Variants in CDAN1 observed in about 807,000 individuals in gnomAD.
CDAN1 encodes codanin-1.
Under a neutral mutation model 139.8 loss-of-function variants are expected in CDAN1, and 107 were observed. The observed-to-expected ratio is 0.77, with a 90% CI of 0.65 to 0.90. The LOEUF is 0.90. Among genes scored for constraint, CDAN1 ranks in the 40% least tolerant of loss-of-function variants. The pLI, the probability that CDAN1 is intolerant of heterozygous loss-of-function variation, is 0.00. For missense variants in CDAN1, 1,667 were observed against 1,575.7 expected (o/e 1.06, Z -0.98); for synonymous variants, 776 against 660.6 (o/e 1.17, Z -2.68).
intron 1 of CDAN1, 78 bp from the exon 2 acceptor site, chr15:42,736,858 CGCGCCTCGGGTGGGCGGCCCGGGCAGCG>C: frequency 6.9e-7 from 1 of 1,450,824 alleles, no homozygotes; most frequent in Non-Finnish European, 9.1e-7. Context: ...GGCCGTAGGG[CGCGCCTCGGGTGGGCGGCCCGGGCAGCG>C]GCGCCCAGTT....
rs746327928 is a variant in CDAN1 at position 42,729,923 on chromosome 15, C to T, written c.2263-38G>A. The T allele has an allele frequency of 5.3e-6, 8 of 1,519,202 alleles. No individual in the cohort carries two copies. In the Admixed American group the frequency reaches 1.2e-4, roughly 23 times the overall value. 94.1% of individuals were successfully genotyped at this position (1,519,202 alleles called of 1,614,324 possible). ...TCACAATTCAGGTCAACTTCAGAGA[C>T]CCCCACCCAACCCACCCCACCTCCT... On this transcript the variant is annotated intron_variant, in intron 15 of 27. Transcript: ENST00000356231.
rs775252923 is a variant in CDAN1, at chr15:42,735,181, A to G, written c.1058-3T>C. The G allele has an allele frequency of 1.9e-6, 3 of 1,612,662 alleles. No individual in the cohort carries two copies. Among genetic ancestry groups the G allele is most frequent in the Admixed American group, 3.3e-5 (2 of 60,008 alleles). On this transcript the variant is annotated splice_polypyrimidine_tract_variant and splice_region_variant and intron_variant, in intron 5 of 27. Coordinates refer to ENST00000356231, the MANE Select transcript of CDAN1 (RefSeq NM_138477.4). ...GAACAGTGGACTTTCCAGGGAATCTAGAAGGACAGTACCAAGCTGTCAGTT... is the reference window on the plus strand; with the variant it reads ...GAACAGTGGACTTTCCAGGGAATCTGGAAGGACAGTACCAAGCTGTCAGTT...
At chr15:42,729,922 A>G in intron 15 of CDAN1, 37 bp from the exon 16 acceptor site, 1 of 1,513,210 alleles carries the variant, frequency 6.6e-7, no homozygotes, top group East Asian at 2.3e-5. Context: ...AACTTCAGAG[A>G]CCCCCACCCA....
chr15:42,727,546 G>A lies in CDAN1; in HGVS notation c.3096+75C>T, dbSNP rs553867648. ...TCTACATAAAAATCCTGGAGCTGAT[G>A]TGAGAAAGGAAAAACCAGGAACAGA... On this transcript the variant is annotated intron_variant, in intron 23 of 27. Coordinates refer to ENST00000356231, the MANE Select transcript of CDAN1 (RefSeq NM_138477.4). 4.4e-6 allele frequency: 6 copies of A among 1,355,768 alleles called. No individual in the cohort carries two copies. The East Asian group carries it at 1.3e-4, about 29-fold the overall frequency. The allele number at this position is 1,355,768 out of a possible 1,614,324, so 84.0% of individuals were successfully genotyped here. A position where few individuals can be genotyped will look rare whatever the true frequency, so the allele number is the denominator to read the frequency against.
chr15:42,732,995 G>T, intron 9 of CDAN1, 102 bp downstream of exon 9: 1 of 896,672 alleles, frequency 1.1e-6, no homozygotes, highest in Non-Finnish European at 1.8e-6. Flanking sequence ...GCTAATGGCT[G>T]GTAGGAGCGG....
rs751454906 is a variant in CDAN1 at position 42,727,729 on chromosome 15, T to C, written c.2988A>G (p.Thr996=). 54 of 1,586,652 alleles carry C rather than the reference T, an allele frequency of 3.4e-5. No homozygotes were observed. Among genetic ancestry groups the C allele is most frequent in the Non-Finnish European group, 4.3e-5 (50 of 1,162,798 alleles). ...CAGGTTCAGGACCCTGGGCTCGAAG[T>C]GTGCGACTCACTGCTGCTTTCACCT... The part of the protein sequence containing the change: ...RREVKAAVSR[T]LRAQGPEPAA... The change falls in exon 23 of 28, where the codon ACA becomes ACG. Residue 996 remains threonine (T), a synonymous_variant. Coordinates refer to ENST00000356231, the MANE Select transcript of CDAN1 (RefSeq NM_138477.4).
intron 2 of CDAN1, 105 bp downstream of exon 2, chr15:42,736,197 A>G: frequency 6.3e-7 from 1 of 1,580,426 alleles, no homozygotes; most frequent in Non-Finnish European, 8.6e-7. Context: ...CATCACCCCC[A>G]GCCTTCTACC....
At chr15:42,724,927 C>T in intron 27 of CDAN1, 1 of 636,052 alleles carries the variant, frequency 1.6e-6, no homozygotes, top group Non-Finnish European at 2.8e-6. Context: ...ATATAATGGG[C>T]TGTGCTGCTT....
rs1202223873 is a variant in CDAN1 at position 42,736,605 on chromosome 15, G to T, written c.266C>A (p.Pro89Gln). The T allele has an allele frequency of 2.0e-6, 3 of 1,503,576 alleles. No homozygotes were observed. The highest frequency in any genetic ancestry group is 8.9e-7 in the Non-Finnish European group (1 of 1,127,998). The allele number at this position is 1,503,576 out of a possible 1,614,324, so 93.1% of individuals were successfully genotyped here. ...GCGCGCCCCGCGGCTACCCCGCGGC[G>T]GGCCTCCCGGCCTCCCTGGCAAGGC... ...SAALPGRPGG[P>Q]PRGSRGARSQ... The change falls in exon 2 of 28, where the codon CCG (proline) becomes CAG (glutamine). Residue 89 changes from proline (P) to glutamine (Q), a missense_variant. Coordinates refer to ENST00000356231, the MANE Select transcript of CDAN1 (RefSeq NM_138477.4).
chr15:42,735,154 T>A lies in CDAN1; in HGVS notation c.1082A>T (p.Gln361Leu). Residue 361 changes from glutamine to leucine, a missense_variant, in exon 6 of 28, where the codon CAA (glutamine) becomes CTA (leucine). Around this residue, in one of 3 missense-constraint regions of CDAN1, gnomAD observed 244 missense variants for 309.4 expected, o/e 0.79. Transcript: ENST00000356231. Reference sequence around the variant, plus strand: ...AAAGAAGACACAATCGTGGATGCTTTGGAACAGTGGACTTTCCAGGGAATC... The same window carrying A: ...AAAGAAGACACAATCGTGGATGCTTAGGAACAGTGGACTTTCCAGGGAATC... ...VLDSLESPLF[Q>L]SIHDCVFFAV... 2 of 1,613,978 alleles carry A rather than the reference T, an allele frequency of 1.2e-6. No homozygotes were observed. The highest frequency in any genetic ancestry group is 1.3e-5 in the African/African-American group (1 of 75,040).
chr15:42,728,163 A>G (rs931460177), intron 21 of CDAN1, 41 bp downstream of exon 21: 2 of 1,609,922 alleles, frequency 1.2e-6, no homozygotes, highest in Non-Finnish European at 1.7e-6. Context: ...ACCTCCCCAC[A>G]ACTGCCTGGC....
At chr15:42,724,820 C>T in intron 27 of CDAN1, 1 of 657,348 alleles carries the variant, frequency 1.5e-6, no homozygotes, top group South Asian at 1.8e-5. Flanking sequence ...GATGGAGGCA[C>T]AGGCTTGACC....
chr15:42,725,689 C>T lies in CDAN1; in HGVS notation c.3269-19G>A. 6.2e-7 allele frequency: 1 copy of T among 1,613,612 alleles called. No individual in the cohort carries two copies. Among genetic ancestry groups the T allele is most frequent in the Non-Finnish European group, 8.5e-7 (1 of 1,179,772 alleles). ...TCTGCAACTGTGGAAAGAGGAAAGC[C>T]AAGCTTTAAAAGATGGGGGCAGGCC... On this transcript the variant is annotated intron_variant, in intron 25 of 27. Coordinates refer to ENST00000356231, the MANE Select transcript of CDAN1 (RefSeq NM_138477.4).
intron 2 of CDAN1, 44 bp downstream of exon 2, chr15:42,736,258 G>T: frequency 3.1e-6 from 5 of 1,611,106 alleles, no homozygotes; most frequent in Non-Finnish European, 4.2e-6. Flanking sequence ...TGACTCCCCA[G>T]AGCCTTCGTG....
At position 42,735,143 on chromosome 15, in the gene CDAN1, C is replaced by T. The variant is rs755941315; in HGVS notation, c.1093G>A (p.Asp365Asn). The T allele has an allele frequency of 4.3e-6, 7 of 1,613,898 alleles. No individual in the cohort carries two copies. The highest frequency in any genetic ancestry group is 5.9e-6 in the Non-Finnish European group (7 of 1,179,926). ...LESPLFQSIH[D>N]CVFFAVQVLE... ...ACCTGCACTGCAAAGAAGACACAAT[C>T]GTGGATGCTTTGGAACAGTGGACTT... The change falls in exon 6 of 28, where the codon GAT (aspartate) becomes AAT (asparagine). Residue 365 changes from aspartate to asparagine, a missense_variant. Physicochemically the swap from Asp to Asn is conservative, Grantham distance 23. Transcript: ENST00000356231.
chr15:42,728,827 A>G lies in CDAN1; in HGVS notation c.2646-17T>C. The G allele has an allele frequency of 6.2e-7, 1 of 1,614,140 alleles. No homozygotes were observed. The highest frequency in any genetic ancestry group is 8.5e-7 in the Non-Finnish European group (1 of 1,180,010). ...AGTGTAGCCCTGCAGCAGGGACAGC[A>G]AGGTTGGGGATGGTTGGAGGGTTAA... On this transcript the variant is annotated splice_polypyrimidine_tract_variant and intron_variant, in intron 19 of 27. Coordinates refer to ENST00000356231, the MANE Select transcript of CDAN1 (RefSeq NM_138477.4).
chr15:42,726,196 G>A (rs1566979096), intron 24 of CDAN1, 36 bp from the exon 25 acceptor site: 1 of 1,610,026 alleles, frequency 6.2e-7, no homozygotes, highest in Non-Finnish European at 8.5e-7. Flanking sequence ...GAGACCATAG[G>A]TATCACCATG....
Position 42,724,492 on chromosome 15 carries a change from T to G in CDAN1, c.3683A>C (p.Ter1228SerextTer2), listed in dbSNP as rs753360990. The part of the protein sequence containing the change: ...PNRGTVLAQS[*>S] ...CCAAGGCAGGGCCACTTCTCAGCCC[T>G]AGCTCTGGGCCAGCACAGTGCCCCG... Residue 1228 changes from the stop codon to serine, a stop_lost, in exon 28 of 28, where the codon TAG becomes TCG. Transcript: ENST00000356231. 1.3e-6 allele frequency: 2 copies of G among 1,577,208 alleles called. No homozygotes were observed. The highest frequency in any genetic ancestry group is 2.7e-5 in the African/African-American group (2 of 74,196).
At position 42,724,264 on chromosome 15, in the gene CDAN1, C is replaced by A. The variant is rs113371049; in HGVS notation, c.*227G>T. Reference sequence around the variant, plus strand: ...AAACACCACCTCTTCTACTCCAGGACTGGCATCTCTGGACTTTTCTGCCAT... The same window carrying A: ...AAACACCACCTCTTCTACTCCAGGAATGGCATCTCTGGACTTTTCTGCCAT... On this transcript the variant is annotated 3_prime_UTR_variant, in exon 28 of 28. Coordinates refer to ENST00000356231, the MANE Select transcript of CDAN1 (RefSeq NM_138477.4). 4.0e-4 allele frequency: 225 copies of A among 556,490 alleles called. No homozygotes were observed. Among genetic ancestry groups the A allele is most frequent in the African/African-American group, 3.9e-3 (208 of 53,340 alleles). 34.5% of individuals were successfully genotyped at this position (556,490 alleles called of 1,614,324 possible).
Sources: gnomAD v4.1 joint callset for allele counts on GRCh38, gnomAD v4.1.1 for gene constraint, gnomAD v4.1.1 regional missense constraint, MANE v1.5 for transcripts, NCBI Gene and HGNC (gene_info 2026-07-23, HGNC 2026-07-21) for gene names.